Variants in JAK2 observed in about 807,000 individuals in gnomAD.
JAK2 encodes Janus kinase 2.
A neutral mutation model predicts 139.3 loss-of-function variants in JAK2; 86 were observed. The ratio of observed to expected loss-of-function variants is 0.62; its 90% CI spans 0.52 to 0.74. The LOEUF is 0.74. JAK2 is among the 30% of genes least tolerant of loss of function. JAK2 has a pLI of 0.00. For synonymous variants in JAK2, 490 were observed against 437.7 expected (o/e 1.12, Z -1.49); for missense variants, 1,421 against 1,360.3 (o/e 1.04, Z -0.70).
chr9:5,034,939 G>T (rs1823464893), intron 4 of JAK2, among the ~76,000 whole-genome samples: 3 of 151,936 alleles, frequency 2.0e-5, no homozygotes, highest in Admixed American at 2.0e-4. Flanking sequence ...AAAAATCAAT[G>T]AATGCTGGAG....
intron 2 of JAK2, among the ~76,000 whole-genome samples, chr9:5,007,897 T>G (rs1821420826): frequency 6.6e-6 from 1 of 152,014 alleles, no homozygotes; most frequent in Admixed American, 6.6e-5. Flanking sequence ...CTGGCTAATT[T>G]TTGTGTTTTC....
intron 2 of JAK2, among the ~76,000 whole-genome samples, chr9:5,013,129 ACCTCTTTTC>A (rs1411055056): frequency 2.0e-5 from 3 of 152,228 alleles, no homozygotes; most frequent in Non-Finnish European, 2.9e-5. Context: ...GCTTGTTAAG[ACCTCTTTTC>A]TGTTTGTATT....
rs2130589653 is a variant in JAK2, at chr9:5,078,309, G to T, written c.1996G>T (p.Glu666Ter). ...QLAWAMHFLE[E>*]NTLIHGNVCA... ...TATGTGCGTTTAACTCTAATAGGAA[G>T]AAAACACCCTTATTCATGGGAATGT... The change falls in exon 16 of 25, where the codon GAA becomes TAA. Residue 666 changes from glutamate (E) to a stop codon, truncating the protein, a stop_gained. Transcript: ENST00000381652. LOFTEE classifies it high-confidence loss of function. 6.2e-7 allele frequency: 1 copy of T among 1,611,116 alleles called. No homozygotes were observed. The highest frequency in any genetic ancestry group is 8.5e-7 in the Non-Finnish European group (1 of 1,178,050).
At chr9:5,030,231 G>C (rs965183308) in intron 4 of JAK2, among the ~76,000 whole-genome samples, 3 of 152,132 alleles carry the variant, frequency 2.0e-5, no homozygotes, top group African/African-American at 7.2e-5. Context: ...GGTTTGTGCA[G>C]CGTTTTGTGC....
intron 2 of JAK2, among the ~76,000 whole-genome samples, chr9:4,990,488 C>T (rs898985907): frequency 6.6e-6 from 1 of 151,954 alleles, no homozygotes; most frequent in Non-Finnish European, 1.5e-5. Flanking sequence ...TACAGTGGGA[C>T]ATATGACTAG....
chr9:5,080,419 T>A, intron 17 of JAK2, 39 bp downstream of exon 17: 1 of 1,559,642 alleles, frequency 6.4e-7, no homozygotes, highest in Non-Finnish European at 8.7e-7. Flanking sequence ...ACTCTATCTC[T>A]GAACTTTCAT....
At chr9:4,995,046 T>C (rs768255421) in intron 2 of JAK2, among the ~76,000 whole-genome samples, 42 of 152,202 alleles carry the variant, frequency 2.8e-4, no homozygotes, top group Non-Finnish European at 4.9e-4. Flanking sequence ...CAAATTGACA[T>C]AGAAATACCA....
At chr9:5,072,954 G>GA (rs76887339) in intron 13 of JAK2, among the ~76,000 whole-genome samples, 13,191 of 149,248 alleles carry the variant, frequency 0.088, 1,699 homozygotes, top group African/African-American at 0.29. Flanking sequence ...ACATTTATTT[G>GA]AAAAAAAAAC....
intron 19 of JAK2, among the ~76,000 whole-genome samples, 177 bp from the exon 20 acceptor site, chr9:5,089,497 C>T (rs566432049): frequency 3.7e-5 from 5 of 135,850 alleles, no homozygotes; most frequent in African/African-American, 1.4e-4. Context: ...GAGATCGTGC[C>T]ACTGCACTCC....
chr9:5,075,990 A>G (rs993277616), intron 14 of JAK2, among the ~76,000 whole-genome samples: 9 of 152,138 alleles, frequency 5.9e-5, no homozygotes, highest in African/African-American at 2.2e-4. Flanking sequence ...ACTTTGAGGG[A>G]TATGGTACTT....
chr9:5,119,329 G>T (rs973026181), intron 22 of JAK2, among the ~76,000 whole-genome samples: 1 of 151,898 alleles, frequency 6.6e-6, no homozygotes, highest in African/African-American at 2.4e-5. Context: ...AGCTAATGAA[G>T]CATATCCAGA....
At chr9:5,042,124 C>CTTTTTTTTTTTT (rs71326152) in intron 4 of JAK2, among the ~76,000 whole-genome samples, 1 of 107,612 alleles carries the variant, frequency 9.3e-6, no homozygotes, top group African/African-American at 3.8e-5. Flanking sequence ...GCCAAAATTT[C>CTTTTTTTTTTTT]TTTTTTTTTT....
At chr9:4,993,647 C>G (rs1016911181) in intron 2 of JAK2, among the ~76,000 whole-genome samples, 4 of 152,140 alleles carry the variant, frequency 2.6e-5, no homozygotes, top group African/African-American at 7.2e-5. Flanking sequence ...GCTTGAAGTC[C>G]TCACTGACAG....
Position 5,044,538 on chromosome 9 carries a change from T to C in JAK2, c.468+18T>C. 1.5e-6 allele frequency: 2 copies of C among 1,367,982 alleles called. No individual in the cohort carries two copies. Among genetic ancestry groups the C allele is most frequent in the Non-Finnish European group, 2.0e-6 (2 of 977,442 alleles). 84.7% of individuals were successfully genotyped at this position (1,367,982 alleles called of 1,614,324 possible). ...TTGCTCAGGTATGATTATATTATCT[T>C]ACTTGTACATGAGTTAAATGATAAA... On this transcript the variant is annotated intron_variant, in intron 5 of 24. Coordinates refer to ENST00000381652, the MANE Select transcript of JAK2 (RefSeq NM_004972.4).
At position 5,086,125 on chromosome 9, in the gene JAK2, C is replaced by T. The variant is rs1394655672; in HGVS notation, c.2572-3549C>T. 1.9e-4 allele frequency: 79 copies of T among 417,336 alleles called. 1 individual carries two copies. The highest frequency in any genetic ancestry group is 9.1e-5 in the Non-Finnish European group (21 of 230,644). The allele number at this position is 417,336 out of a possible 1,614,324, so 25.9% of individuals were successfully genotyped here. On this transcript the variant is annotated intron_variant, in intron 19 of 24. Transcript: ENST00000381652. The stretch of plus-strand genomic sequence containing the variant: ...GCCTGCGCGGGCATCGGCAGCGGCG[C>T]GCGGCCCCGGCGGCCCCGCAAGGCT...
At chr9:5,080,088 T>C (rs1819580708) in intron 16 of JAK2, 141 bp from the exon 17 acceptor site, 1 of 590,820 alleles carries the variant, frequency 1.7e-6, no homozygotes, top group Admixed American at 3.0e-5. Flanking sequence ...TGCAGTCATG[T>C]GCATGTGCAC....
At chr9:5,059,636 TG>T (rs1393573909) in intron 8 of JAK2, among the ~76,000 whole-genome samples, 2 of 152,198 alleles carry the variant, frequency 1.3e-5, no homozygotes, top group African/African-American at 2.4e-5. Context: ...AACAATTTTT[TG>T]TAGTTCTATC....
chr9:5,066,733 G>A lies in JAK2; in HGVS notation c.1270G>A (p.Val424Ile). The A allele has an allele frequency of 6.2e-7, 1 of 1,606,916 alleles. No individual in the cohort carries two copies. Among genetic ancestry groups the A allele is most frequent in the South Asian group, 1.1e-5 (1 of 90,206 alleles). Residue 424 changes from valine (V) to isoleucine (I), a missense_variant, in exon 10 of 25, where the codon GTA becomes ATA. Physicochemically the swap from Val to Ile is conservative, Grantham distance 29. Transcript: ENST00000381652. ...KKAGNQTGLY[V>I]LRCSPKDFNK... ...AGCAGGTAATCAGACTGGACTGTAT[G>A]TACTTCGATGCAGTCCTAAGGACTT...
rs1053922586 is a variant in JAK2 at position 5,102,626 on chromosome 9, T to C, written c.3059+11715T>C. 1.2e-4 allele frequency among the ~76,000 whole-genome samples: 19 copies of C among 152,240 alleles called. No homozygotes were observed. In the East Asian group the frequency reaches 3.7e-3, roughly 29 times the overall value. ...AAGGTTGAAATGAAGGAAAAAAATG[T>C]TAAGGGCAGCCAGAGAGAAATGTCG... On this transcript the variant is annotated intron_variant, in intron 22 of 24. Coordinates refer to ENST00000381652, the MANE Select transcript of JAK2 (RefSeq NM_004972.4).
Sources: gnomAD v4.1 joint callset for allele counts (sites outside exome capture counted in the v4.1 genomes callset) on GRCh38, gnomAD v4.1.1 for gene constraint, MANE v1.5 for transcripts, NCBI Gene and HGNC (gene_info 2026-07-23, HGNC 2026-07-21) for gene names.